The following ZNF143 variants were observed in gnomAD, a reference collection of about 807,000 sequenced individuals.
ZNF143 encodes zinc finger protein 143.
Under a neutral mutation model 74.1 loss-of-function variants are expected in ZNF143, and 49 were observed. The ratio of observed to expected loss-of-function variants is 0.66; its 90% CI spans 0.53 to 0.84. ZNF143 has a LOEUF of 0.84. Among genes scored for constraint, ZNF143 ranks in the 40% least tolerant of loss-of-function variants. The pLI, the probability that ZNF143 is intolerant of heterozygous loss-of-function variation, is 0.00. For synonymous variants in ZNF143, 304 were observed against 282.8 expected, an observed-to-expected ratio of 1.07 and a Z score of -0.75; for missense variants, 637 against 793.4, an observed-to-expected ratio of 0.80 and a Z score of 2.37.
chr11:9,470,974 G>A (rs1290654052), intron 1 of ZNF143: 2 of 155,096 alleles, frequency 1.3e-5, no homozygotes, highest in African/African-American at 4.8e-5. Flanking sequence ...CACATTGTAA[G>A]TGGGAATCCT....
At chr11:9,472,914 C>CTT (rs35668857) in intron 3 of ZNF143, 145 bp downstream of exon 3, 3,555 of 322,164 alleles carry the variant, frequency 0.011, 19 homozygotes, top group East Asian at 0.04. Flanking sequence ...CAGTTTAATT[C>CTT]TTTTTTTTTT....
chr11:9,502,670 TCACCA>T (rs1334206690), intron 11 of ZNF143, among the ~76,000 whole-genome samples: 5 of 151,724 alleles, frequency 3.3e-5, no homozygotes, highest in Non-Finnish European at 5.9e-5. Flanking sequence ...TGTGCAACCA[TCACCA>T]CAATTCAATT....
chr11:9,472,588 C>T, intron 2 of ZNF143, 89 bp from the exon 3 acceptor site: 2 of 1,136,008 alleles, frequency 1.8e-6, no homozygotes, highest in South Asian at 1.3e-5. Flanking sequence ...AAGCAGTTTA[C>T]CTTTTTTCTG....
chr11:9,461,984 CT>C (rs1204091612), intron 1 of ZNF143: 1 of 152,174 alleles, frequency 6.6e-6, no homozygotes, highest in Non-Finnish European at 1.5e-5. Context: ...TTGTGGTCGG[CT>C]TTGTCCTGAA....
intron 1 of ZNF143, among the ~76,000 whole-genome samples, chr11:9,462,447 C>T (rs543931105): frequency 6.6e-6 from 1 of 151,934 alleles, no homozygotes; most frequent in South Asian, 2.1e-4. Context: ...GCCTGTAGTC[C>T]CAGGTACTTG....
chr11:9,461,047 C>A lies in ZNF143; in HGVS notation c.-37C>A. ...CCTGTCCTGGTGCATGGTGGTCGGA[C>A]GAAGGAATTGTTGGAAAATTTTCTC... On this transcript the variant is annotated 5_prime_UTR_variant, in exon 1 of 16. Transcript: ENST00000396602. The A allele has an allele frequency of 1.0e-6, 1 of 985,424 alleles. No homozygotes were observed. Among genetic ancestry groups the A allele is most frequent in the Non-Finnish European group, 1.2e-6 (1 of 829,960 alleles). 61.0% of individuals were successfully genotyped at this position (985,424 alleles called of 1,614,324 possible).
chr11:9,502,348 G>A (rs537333573), intron 11 of ZNF143, among the ~76,000 whole-genome samples: 12 of 140,410 alleles, frequency 8.5e-5, no homozygotes, highest in Admixed American at 2.3e-4. Flanking sequence ...GGTGGCTCAC[G>A]CCTGTAATCC....
chr11:9,525,660 ACT>A (rs1344750781), intron 15 of ZNF143, among the ~76,000 whole-genome samples: 1 of 152,018 alleles, frequency 6.6e-6, no homozygotes, highest in African/African-American at 2.4e-5. Context: ...AGGCATCTTT[ACT>A]CTCAAAATAA....
intron 7 of ZNF143, among the ~76,000 whole-genome samples, 165 bp downstream of exon 7, chr11:9,479,711 C>G (rs988717715): frequency 6.6e-6 from 1 of 152,074 alleles, no homozygotes; most frequent in South Asian, 2.1e-4. Flanking sequence ...GCCTGAGGTC[C>G]CAGTGTTCAT....
At chr11:9,525,158 T>A (rs1328774267) in intron 14 of ZNF143, 82 bp from the exon 15 acceptor site, 1 of 1,506,376 alleles carries the variant, frequency 6.6e-7, no homozygotes, top group Non-Finnish European at 9.1e-7. Flanking sequence ...TTTGAAGAAA[T>A]CCATTGTATT....
chr11:9,489,849 A>G (rs896162840), intron 7 of ZNF143, among the ~76,000 whole-genome samples: 5 of 152,262 alleles, frequency 3.3e-5, no homozygotes, highest in Non-Finnish European at 4.4e-5. Flanking sequence ...CTTGATGCCA[A>G]TTCTACTAAA....
chr11:9,514,901 G>A (rs767276306), intron 13 of ZNF143, among the ~76,000 whole-genome samples: 10 of 152,262 alleles, frequency 6.6e-5, no homozygotes, highest in Non-Finnish European at 1.5e-4. Context: ...GGCCAAGGCA[G>A]GCGGATCACC....
intron 14 of ZNF143, 75 bp downstream of exon 14, chr11:9,516,437 T>A: frequency 7.4e-7 from 1 of 1,351,100 alleles, no homozygotes; most frequent in Non-Finnish European, 1.0e-6. Flanking sequence ...TGCAATGTGG[T>A]ACAACAGTTA....
intron 1 of ZNF143, chr11:9,463,915 A>G (rs1335008906): frequency 1.3e-5 from 2 of 152,228 alleles, no homozygotes; most frequent in Non-Finnish European, 2.9e-5. Flanking sequence ...TATACAGATA[A>G]CTATATACAT....
Position 9,479,453 on chromosome 11 carries a change from C to T in ZNF143, c.571-19C>T. 6.3e-7 allele frequency: 1 copy of T among 1,596,014 alleles called. No homozygotes were observed. Among genetic ancestry groups the T allele is most frequent in the South Asian group, 1.1e-5 (1 of 89,110 alleles). ...TATCAAAATGTAAAACATTTTAAAG[C>T]TTTATTTTATTCCTATAGGTGTCCA... is the stretch of plus-strand genomic sequence containing the variant. On this transcript the variant is annotated intron_variant, in intron 6 of 15. Coordinates refer to ENST00000396602, the MANE Select transcript of ZNF143 (RefSeq NM_003442.6).
At chr11:9,520,586 T>C (rs970312969) in intron 14 of ZNF143, among the ~76,000 whole-genome samples, 1 of 151,442 alleles carries the variant, frequency 6.6e-6, no homozygotes, top group African/African-American at 2.4e-5. Flanking sequence ...AGGTCAGGAG[T>C]TCGAGACCAG....
chr11:9,506,850 C>T (rs1451085140), intron 11 of ZNF143, among the ~76,000 whole-genome samples: 1 of 151,958 alleles, frequency 6.6e-6, no homozygotes, highest in Non-Finnish European at 1.5e-5. Context: ...TCAGATGACC[C>T]AGGTGAAGCT....
At chr11:9,520,844 A>T (rs1848900147) in intron 14 of ZNF143, among the ~76,000 whole-genome samples, 1 of 152,206 alleles carries the variant, frequency 6.6e-6, no homozygotes, top group South Asian at 2.1e-4. Flanking sequence ...CAACATTTGG[A>T]GTTGTTTTAA....
intron 10 of ZNF143, among the ~76,000 whole-genome samples, chr11:9,498,210 T>A (rs1848037241): frequency 6.6e-6 from 1 of 152,242 alleles, no homozygotes; most frequent in Non-Finnish European, 1.5e-5. Flanking sequence ...CAAGGGCTTC[T>A]CTTGAAACCC....
Sources: allele counts gnomAD v4.1 joint callset (sites outside exome capture counted in the v4.1 genomes callset), GRCh38; gene constraint gnomAD v4.1.1; transcripts MANE v1.5; gene names NCBI Gene and HGNC (gene_info 2026-07-23, HGNC 2026-07-21).